AGAP1: variants seen among roughly 807,000 people sequenced by gnomAD.
AGAP1 encodes ArfGAP with GTPase domain, ankyrin repeat and PH domain 1.
AGAP1 carries 29 observed loss-of-function variants against 105.3 expected under a neutral mutation model. The ratio of observed to expected loss-of-function variants is 0.28; its 90% CI spans 0.21 to 0.38. AGAP1 has a LOEUF of 0.38. Among genes scored for constraint, AGAP1 ranks in the 10% least tolerant of loss-of-function variants. The pLI, the probability that AGAP1 is intolerant of heterozygous loss-of-function variation, is 1.00. For synonymous variants in AGAP1, 509 were observed against 485.9 expected, an observed-to-expected ratio of 1.05 and a Z score of -0.63; for missense variants, 998 against 1,165.1, an observed-to-expected ratio of 0.86 and a Z score of 2.09.
intron 1 of AGAP1, among the ~76,000 whole-genome samples, chr2:235,583,817 T>C (rs1451883999): frequency 2.7e-5 from 4 of 150,028 alleles, no homozygotes; most frequent in Non-Finnish European, 5.9e-5. Flanking sequence ...GAGGTTGCAG[T>C]GAGCCAAGAT....
rs1358412387 is a variant in AGAP1, at chr2:235,663,718, TC to T, written c.164-45460del. ...ATTTAGGTCATTGTTCTCTGACAGT[TC>T]GTGATATTCGTTCCTACTCCAGGAA... On this transcript the variant is annotated intron_variant, in intron 1 of 17. Transcript: ENST00000304032. This position sits in a 1 kb window ranked among gnomAD's most constrained non-coding sequence, Gnocchi z 5.4. 2.0e-5 allele frequency among the ~76,000 whole-genome samples: 3 copies of T among 152,158 alleles called. No individual in the cohort carries two copies. Among genetic ancestry groups the T allele is most frequent in the Non-Finnish European group, 4.4e-5 (3 of 68,026 alleles).
At chr2:235,722,666 C>T (rs988861059) in intron 3 of AGAP1, among the ~76,000 whole-genome samples, 2 of 152,186 alleles carry the variant, frequency 1.3e-5, no homozygotes, top group Non-Finnish European at 2.9e-5. Flanking sequence ...TTGATCCCAT[C>T]TGCAAAGACC....
Position 236,062,769 on chromosome 2 carries a change from TCTCTGC to T in AGAP1, c.2114+13492_2114+13497del, listed in dbSNP as rs1005144882. On this transcript the variant is annotated intron_variant, in intron 16 of 17. Transcript: ENST00000304032. The surrounding 1 kb of genome is among the most constrained non-coding windows in gnomAD (Gnocchi z 4.2). ...CTCCACCTCCTGGGTTCAAGCAAAT[TCTCTGC>T]CTCAGCCTCCCAAGTAGCTGGGATT... Among the ~76,000 whole-genome samples the T allele has an allele frequency of 2.1e-3, 313 of 151,364 alleles. 2 individuals carry two copies. Among genetic ancestry groups the T allele is most frequent in the African/African-American group, 7.1e-3 (292 of 41,204 alleles).
rs1223090553 is a variant in AGAP1, at chr2:235,888,410, C to T, written c.1155+4961C>T. Among the ~76,000 whole-genome samples the T allele has an allele frequency of 6.6e-6, 1 of 152,146 alleles. No individual in the cohort carries two copies. Among genetic ancestry groups the T allele is most frequent in the African/African-American group, 2.4e-5 (1 of 41,432 alleles). ...ACTCCCCTCCTAGGGCTGCTCCACA[C>T]AGCTCCTGCATTAGTCAACCAAATT... On this transcript the variant is annotated intron_variant, in intron 10 of 17. Transcript: ENST00000304032. The surrounding 1 kb of genome is among the most constrained non-coding windows in gnomAD (Gnocchi z 4.8).
chr2:235,930,350 T>A lies in AGAP1; in HGVS notation c.1325-415T>A, dbSNP rs1050089322. ...CAGACAGTTGACTCTCAATGGGTGA[T>A]CATTTTCTGTTCCATTGGTAGGGTG... is the stretch of plus-strand genomic sequence containing the variant. On this transcript the variant is annotated intron_variant, in intron 11 of 17. Transcript: ENST00000304032. The surrounding 1 kb of genome is among the most constrained non-coding windows in gnomAD (Gnocchi z 7.9). Among the ~76,000 whole-genome samples the A allele has an allele frequency of 6.6e-6, 1 of 152,202 alleles. No individual in the cohort carries two copies. The highest frequency in any genetic ancestry group is 2.4e-5 in the African/African-American group (1 of 41,454).
At chr2:235,807,530 CA>C (rs1235052088) in intron 9 of AGAP1, among the ~76,000 whole-genome samples, 199 bp downstream of exon 9, 1 of 152,242 alleles carries the variant, frequency 6.6e-6, no homozygotes, top group African/African-American at 2.4e-5. Context: ...GGAACGGAGA[CA>C]ACAGACCTAA....
At position 235,663,722 on chromosome 2, in the gene AGAP1, G is replaced by T. The variant is rs892371533; in HGVS notation, c.164-45457G>T. Among the ~76,000 whole-genome samples, 1 of 152,188 alleles carries T rather than the reference G, an allele frequency of 6.6e-6. No homozygotes were observed. Among genetic ancestry groups the T allele is most frequent in the African/African-American group, 2.4e-5 (1 of 41,454 alleles). On this transcript the variant is annotated intron_variant, in intron 1 of 17. Transcript: ENST00000304032. This position sits in a 1 kb window ranked among gnomAD's most constrained non-coding sequence, Gnocchi z 5.4. Reference sequence around the variant, plus strand: ...AGGTCATTGTTCTCTGACAGTTCGTGATATTCGTTCCTACTCCAGGAAGCT... The same window carrying T: ...AGGTCATTGTTCTCTGACAGTTCGTTATATTCGTTCCTACTCCAGGAAGCT...
At chr2:235,810,773 ACTT>A (rs1346782190) in intron 9 of AGAP1, among the ~76,000 whole-genome samples, 1 of 150,214 alleles carries the variant, frequency 6.7e-6, no homozygotes, top group Non-Finnish European at 1.5e-5. Context: ...ACCTGGGTCT[ACTT>A]CTCCTTTGGT....
At chr2:235,702,934 G>GTGTTTTTTTTTTTTTTTTTTTTTTTTTTT (rs1553609552) in intron 1 of AGAP1, among the ~76,000 whole-genome samples, 10 of 88,960 alleles carry the variant, frequency 1.1e-4, no homozygotes, top group Middle Eastern at 7.4e-3. Flanking sequence ...AGTTTTCTTG[G>GTGTTTTTTTTTTTTTTTTTTTTTTTTTTT]TTTTTTTTTT....
At chr2:235,946,817 T>C (rs2053521970) in intron 12 of AGAP1, among the ~76,000 whole-genome samples, 1 of 152,110 alleles carries the variant, frequency 6.6e-6, no homozygotes, top group Admixed American at 6.5e-5. Context: ...CAGCCAGGCA[T>C]ATCCCTGCCA....
rs941158923 is a variant in AGAP1 at position 235,596,810 on chromosome 2, G to A, written c.163+101961G>A. Among the ~76,000 whole-genome samples, 8 of 152,142 alleles carry A rather than the reference G, an allele frequency of 5.3e-5. No individual in the cohort carries two copies. The highest frequency in any genetic ancestry group is 1.9e-4 in the African/African-American group (8 of 41,436). On this transcript the variant is annotated intron_variant, in intron 1 of 17. Coordinates refer to ENST00000304032, the MANE Select transcript of AGAP1 (RefSeq NM_001037131.3). This position sits in a 1 kb window ranked among gnomAD's most constrained non-coding sequence, Gnocchi z 5.9. ...GACTGAATTGTGTCCCTGCAACCCC[G>A]TGTGATGGTATTAGGAGGTGGGTCT...
intron 1 of AGAP1, among the ~76,000 whole-genome samples, chr2:235,617,667 A>T (rs560368767): frequency 6.6e-6 from 1 of 152,184 alleles, no homozygotes; most frequent in Non-Finnish European, 1.5e-5. Context: ...CCGCCACTGC[A>T]CTCCAGCCTT....
chr2:235,539,139 G>A (rs1245355534), intron 1 of AGAP1, among the ~76,000 whole-genome samples: 1 of 152,210 alleles, frequency 6.6e-6, no homozygotes, highest in Non-Finnish European at 1.5e-5. Context: ...TCAAGACCTT[G>A]TGCAGCCTCG....
Position 235,994,792 on chromosome 2 carries a change from C to T in AGAP1, c.1645+26169C>T, listed in dbSNP as rs2055719885. Among the ~76,000 whole-genome samples, 1 of 150,934 alleles carries T rather than the reference C, an allele frequency of 6.6e-6. No individual in the cohort carries two copies. The highest frequency in any genetic ancestry group is 1.5e-5 in the Non-Finnish European group (1 of 67,764). Reference sequence around the variant, plus strand: ...TAAACTAAAATTAGAATAGGCCGGGCCCAATGGCTCACACCTGTAATCCTA... The same window carrying T: ...TAAACTAAAATTAGAATAGGCCGGGTCCAATGGCTCACACCTGTAATCCTA... On this transcript the variant is annotated intron_variant, in intron 13 of 17. Transcript: ENST00000304032. The surrounding 1 kb of genome is among the most constrained non-coding windows in gnomAD (Gnocchi z 4.4).
chr2:235,735,443 C>T (rs1361612765), intron 3 of AGAP1, among the ~76,000 whole-genome samples: 1 of 152,158 alleles, frequency 6.6e-6, no homozygotes, highest in African/African-American at 2.4e-5. Flanking sequence ...CTCAACCTCG[C>T]GTGAGTGCAG....
chr2:235,859,914 C>T (rs887708693), intron 9 of AGAP1, among the ~76,000 whole-genome samples: 1 of 152,174 alleles, frequency 6.6e-6, no homozygotes, highest in Admixed American at 6.5e-5. Context: ...GCGCCTTCCA[C>T]CAGCAAGCAG....
At chr2:235,773,192 A>G (rs1163116307) in intron 6 of AGAP1, among the ~76,000 whole-genome samples, 2 of 152,174 alleles carry the variant, frequency 1.3e-5, no homozygotes, top group African/African-American at 2.4e-5. Context: ...TGGGGTTTAA[A>G]TATCCTCTAG....
At position 235,732,201 on chromosome 2, in the gene AGAP1, A is replaced by G. The variant is rs750554681; in HGVS notation, c.311-8762A>G. The stretch of plus-strand genomic sequence containing the variant: ...TTGTGGATGTGTTGTCAGAGATACC[A>G]TTTATCCTTTTGTTTAGGTCCGTTT... On this transcript the variant is annotated intron_variant, in intron 3 of 17. Transcript: ENST00000304032. The surrounding 1 kb of genome is among the most constrained non-coding windows in gnomAD (Gnocchi z 4.8). 6.6e-6 allele frequency among the ~76,000 whole-genome samples: 1 copy of G among 152,050 alleles called. No individual in the cohort carries two copies. Among genetic ancestry groups the G allele is most frequent in the Non-Finnish European group, 1.5e-5 (1 of 68,010 alleles).
intron 1 of AGAP1, among the ~76,000 whole-genome samples, chr2:235,532,535 G>A (rs1370287414): frequency 6.6e-6 from 1 of 152,178 alleles, no homozygotes; most frequent in African/African-American, 2.4e-5. Context: ...GGTTGTATAT[G>A]TATCACATAT....
Sources: gnomAD v4.1 joint callset for allele counts (sites outside exome capture counted in the v4.1 genomes callset) on GRCh38, gnomAD v4.1.1 for gene constraint, Gnocchi (gnomAD v3.1) non-coding constraint, MANE v1.5 for transcripts, NCBI Gene and HGNC (gene_info 2026-07-23, HGNC 2026-07-21) for gene names.